The following NOL4 variants were observed in gnomAD, a reference collection of about 807,000 sequenced individuals.
NOL4 encodes nucleolar protein 4, also known as cancer/testis antigen 125.
A neutral mutation model predicts 75.9 loss-of-function variants in NOL4; 17 were observed. That is an observed-to-expected ratio of 0.22 (90% CI 0.15 to 0.34). The LOEUF is 0.34. Ranked by LOEUF, NOL4 falls within the 10% of genes least tolerant of loss-of-function variation. The pLI is 1.00. For missense variants in NOL4, 614 were observed against 793.5 expected (o/e 0.77, Z 2.72); for synonymous variants, 292 against 289.9 (o/e 1.01, Z -0.07).
chr18:33,901,287 C>A (rs2065735836), intron 9 of NOL4, among the ~76,000 whole-genome samples: 1 of 152,172 alleles, frequency 6.6e-6, no homozygotes, highest in East Asian at 1.9e-4. Flanking sequence ...ATGAAAACAG[C>A]TGAATCATCT....
chr18:34,024,194 A>ATATATATATATATATATATATATAT (rs1555696186), intron 5 of NOL4, among the ~76,000 whole-genome samples: 39 of 70,636 alleles, frequency 5.5e-4, no homozygotes, highest in South Asian at 1.1e-3. Flanking sequence ...AAAAAAAAAA[A>ATATATATATATATATATATATATAT]ATATATATAT....
intron 6 of NOL4, among the ~76,000 whole-genome samples, chr18:34,005,886 T>C (rs947287127): frequency 3.3e-5 from 5 of 152,058 alleles, no homozygotes; most frequent in African/African-American, 1.2e-4. Context: ...GCCTGCTGCT[T>C]TTGTGACTAT....
intron 1 of NOL4, among the ~76,000 whole-genome samples, chr18:34,209,194 CAAAAAAAAAAAAA>C (rs777403436): frequency 3.5e-5 from 2 of 56,458 alleles, no homozygotes; most frequent in Non-Finnish European, 8.1e-5. Context: ...ACTCTGTCTC[CAAAAAAAAAAAAA>C]AAAAAAAGAA....
chr18:33,852,573 T>C lies in NOL4; in HGVS notation c.*269A>G, dbSNP rs768915225. 7.5e-6 allele frequency: 2 copies of C among 268,024 alleles called. No homozygotes were observed. The highest frequency in any genetic ancestry group is 1.4e-5 in the Non-Finnish European group (2 of 143,302). The allele number at this position is 268,024 out of a possible 1,614,324, so 16.6% of individuals were successfully genotyped here. On this transcript the variant is annotated 3_prime_UTR_variant, in exon 11 of 11. Coordinates refer to ENST00000261592, the MANE Select transcript of NOL4 (RefSeq NM_003787.5). ...GTTTTATCCTTGAATTAAGAATAGA[T>C]AGCCTTTTATGCCCCTGATATTTAT... is the stretch of plus-strand genomic sequence containing the variant.
chr18:34,053,079 A>G (rs1253529240), intron 5 of NOL4, among the ~76,000 whole-genome samples: 1 of 152,006 alleles, frequency 6.6e-6, no homozygotes, highest in Non-Finnish European at 1.5e-5. Context: ...AGAGAGACGA[A>G]GAATATGAAC....
At chr18:33,972,995 T>C (rs1377213439) in intron 6 of NOL4, among the ~76,000 whole-genome samples, 1 of 152,202 alleles carries the variant, frequency 6.6e-6, no homozygotes, top group East Asian at 1.9e-4. Flanking sequence ...GCCACATTCA[T>C]TGACTGTTCC....
chr18:33,866,582 T>C (rs1325676398), intron 10 of NOL4, among the ~76,000 whole-genome samples: 3 of 152,200 alleles, frequency 2.0e-5, no homozygotes, highest in Admixed American at 2.0e-4. Flanking sequence ...ATTCAGTAAA[T>C]GACCTTTCTA....
chr18:34,125,967 C>CAAA (rs34689802), intron 2 of NOL4, among the ~76,000 whole-genome samples: 5 of 142,644 alleles, frequency 3.5e-5, no homozygotes, highest in Middle Eastern at 3.5e-3. Flanking sequence ...CAGGATGCAC[C>CAAA]AAAAAAAAAA....
At chr18:33,867,724 G>T (rs1253770738) in intron 10 of NOL4, among the ~76,000 whole-genome samples, 2 of 151,546 alleles carry the variant, frequency 1.3e-5, no homozygotes, top group Admixed American at 6.6e-5. Context: ...TATATAGATT[G>T]AAAAGTCCCA....
At chr18:34,062,266 A>G (rs1216402358) in intron 5 of NOL4, among the ~76,000 whole-genome samples, 2 of 152,114 alleles carry the variant, frequency 1.3e-5, no homozygotes, top group Non-Finnish European at 2.9e-5. Context: ...TTAATAATTA[A>G]CAGAAAGACT....
chr18:33,964,873 C>G (rs1365223095), intron 6 of NOL4, among the ~76,000 whole-genome samples: 3 of 152,028 alleles, frequency 2.0e-5, no homozygotes, highest in Non-Finnish European at 4.4e-5. Context: ...GGCAATTGAC[C>G]TTGGTTTTGC....
chr18:34,003,052 A>C (rs1261326351), intron 6 of NOL4, among the ~76,000 whole-genome samples: 1 of 152,142 alleles, frequency 6.6e-6, no homozygotes, highest in East Asian at 1.9e-4. Flanking sequence ...GTCCTTGCAT[A>C]ATAATTGTTT....
At chr18:33,915,838 C>T (rs1236938166) in intron 9 of NOL4, among the ~76,000 whole-genome samples, 6 of 152,118 alleles carry the variant, frequency 3.9e-5, no homozygotes, top group Non-Finnish European at 7.4e-5. Context: ...AACCAGGTAA[C>T]AAAGTCAATT....
chr18:33,884,266 G>A (rs541839785), intron 9 of NOL4, among the ~76,000 whole-genome samples: 2 of 151,464 alleles, frequency 1.3e-5, no homozygotes, highest in East Asian at 3.9e-4. Flanking sequence ...CTCTGTGTAT[G>A]TGTGTGTGTG....
chr18:33,933,200 T>C (rs960855993), intron 9 of NOL4, among the ~76,000 whole-genome samples: 11 of 152,182 alleles, frequency 7.2e-5, no homozygotes, highest in African/African-American at 2.7e-4. Flanking sequence ...ATATCATTTG[T>C]CTAAAACAAA....
At chr18:34,110,232 G>A (rs929284417) in intron 2 of NOL4, among the ~76,000 whole-genome samples, 10 of 145,492 alleles carry the variant, frequency 6.9e-5, no homozygotes, top group East Asian at 4.1e-4. Flanking sequence ...AGACAAGGAC[G>A]CTACAAAAAA....
chr18:33,985,634 T>A (rs1324372535), intron 6 of NOL4, among the ~76,000 whole-genome samples: 1 of 152,124 alleles, frequency 6.6e-6, no homozygotes, highest in Non-Finnish European at 1.5e-5. Flanking sequence ...TCTTCCTCAA[T>A]ATTTTCTATT....
At chr18:34,144,747 GA>G (rs1280119198) in intron 1 of NOL4, among the ~76,000 whole-genome samples, 4 of 152,164 alleles carry the variant, frequency 2.6e-5, no homozygotes, top group Non-Finnish European at 4.4e-5. Flanking sequence ...GCAATTGTAT[GA>G]AGTTGTCAAA....
intron 1 of NOL4, among the ~76,000 whole-genome samples, chr18:34,143,409 A>T (rs1568389211): frequency 6.6e-6 from 1 of 152,152 alleles, no homozygotes; most frequent in Non-Finnish European, 1.5e-5. Flanking sequence ...TTTTTGCTGA[A>T]CCCTTGTATA....
Sources: allele counts gnomAD v4.1 joint callset (sites outside exome capture counted in the v4.1 genomes callset), GRCh38; gene constraint gnomAD v4.1.1; transcripts MANE v1.5; gene names NCBI Gene and HGNC (gene_info 2026-07-23, HGNC 2026-07-21).